Variants in SPRY3 observed in about 807,000 individuals in gnomAD.
SPRY3 encodes sprouty RTK signaling antagonist 3.
A neutral mutation model predicts 20.2 loss-of-function variants in SPRY3; 15 were observed. The observed-to-expected ratio is 0.74, with a 90% CI of 0.50 to 1.14. The LOEUF (loss-of-function observed/expected upper bound fraction) is 1.14. Among genes scored for constraint, SPRY3 ranks in the 50% most tolerant of loss-of-function variants. The probability of loss-of-function intolerance (pLI) is 0.00; values close to 1 mark genes in which losing one functional copy is unlikely to be tolerated. For missense variants in SPRY3, 364 were observed against 363.9 expected (o/e 1.00, Z 0.00); for synonymous variants, 143 against 136.5 (o/e 1.05, Z -0.33).
chrX:155,696,256 C>CAGAG (rs1217974455), intron 2 of SPRY3, among the ~76,000 whole-genome samples: 4 of 103,427 alleles, frequency 3.9e-5, no homozygotes, highest in East Asian at 6.1e-4. Flanking sequence ...CATATATATA[C>CAGAG]AGAGAGAGAG....
At chrX:155,680,401 G>T (rs927451797) in intron 2 of SPRY3, among the ~76,000 whole-genome samples, 4 of 109,367 alleles carry the variant, frequency 3.7e-5, no homozygotes, top group Admixed American at 2.0e-4. Context: ...TGGGCATGGG[G>T]AATAAGTCAT....
chrX:155,771,965 A>G (rs2091384290), intron 3 of SPRY3, among the ~76,000 whole-genome samples: 1 of 152,182 alleles, frequency 6.6e-6, no homozygotes, highest in Non-Finnish European at 1.5e-5. Context: ...GTCCTTCAAG[A>G]TCACCTTGTT....
At chrX:155,763,454 A>G (rs1490313634) in intron 2 of SPRY3, among the ~76,000 whole-genome samples, 1 of 151,394 alleles carries the variant, frequency 6.6e-6, no homozygotes, top group Non-Finnish European at 1.5e-5. Context: ...GTATCTCCCC[A>G]CTCCTATATA....
intron 2 of SPRY3, among the ~76,000 whole-genome samples, chrX:155,716,680 G>A (rs1192642770): frequency 6.6e-6 from 1 of 151,758 alleles, no homozygotes; most frequent in African/African-American, 2.4e-5. Flanking sequence ...ACCCACTGAT[G>A]TCTCTGTTCA....
At chrX:155,727,377 G>A (rs1444121111) in intron 2 of SPRY3, among the ~76,000 whole-genome samples, 6 of 152,076 alleles carry the variant, frequency 3.9e-5, no homozygotes, top group Non-Finnish European at 5.9e-5. Context: ...AAGTTCTCCT[G>A]GATGATATCC....
chrX:155,682,039 AG>A (rs1225902208), intron 2 of SPRY3, among the ~76,000 whole-genome samples: 1 of 112,911 alleles, frequency 8.9e-6, no homozygotes, highest in African/African-American at 3.2e-5. Flanking sequence ...TATGCCATCT[AG>A]AACTTTCATA....
Position 155,764,546 on chromosome X carries a change from A to G in SPRY3, c.-281-3416A>G, listed in dbSNP as rs1290921269. On this transcript the variant is annotated intron_variant, in intron 2 of 3. Coordinates refer to ENST00000675360, the Ensembl canonical transcript of SPRY3. ...CAAAAATTGGTTATCCATTCATTCA[A>G]TAAGTATTAATTTAGTGATCAGTAT... Among the ~76,000 whole-genome samples, 3 of 152,298 alleles carry G rather than the reference A, an allele frequency of 2.0e-5. No individual in the cohort carries two copies. The East Asian group carries it at 5.8e-4, about 29-fold the overall frequency.
chrX:155,681,381 G>T (rs1485390294), intron 2 of SPRY3, among the ~76,000 whole-genome samples: 2 of 112,173 alleles, frequency 1.8e-5, no homozygotes, highest in African/African-American at 3.2e-5. Context: ...ACGTGGAACT[G>T]TAAGTCCAAT....
rs1352713033 is a variant in SPRY3 at position 155,767,463 on chromosome X, C to A, written c.-281-499C>A. Among the ~76,000 whole-genome samples the A allele has an allele frequency of 5.9e-5, 9 of 152,000 alleles. 1 individual carries two copies. In the South Asian group the frequency reaches 1.0e-3, roughly 18 times the overall value. On this transcript the variant is annotated intron_variant, in intron 2 of 3. Coordinates refer to ENST00000675360, the Ensembl canonical transcript of SPRY3. ...GGTATCTATTGCTCCGTTGAGATAC[C>A]CTGTGTCTACAACTGCAGTTTCTGC...
At chrX:155,644,854 A>C (rs917526717) in intron 1 of SPRY3, among the ~76,000 whole-genome samples, 8 of 111,119 alleles carry the variant, frequency 7.2e-5, no homozygotes, top group Non-Finnish European at 1.3e-4. Flanking sequence ...ACTGATACCT[A>C]AGGTGCAAGA....
chrX:155,631,922 A>G (rs1557350553), intron 1 of SPRY3, among the ~76,000 whole-genome samples: 1 of 111,521 alleles, frequency 9.0e-6, no homozygotes, highest in African/African-American at 3.3e-5. Flanking sequence ...TGTGTTATAA[A>G]CAATACAACT....
intron 1 of SPRY3, among the ~76,000 whole-genome samples, chrX:155,623,511 G>T (rs931943274): frequency 2.7e-5 from 3 of 111,845 alleles, no homozygotes; most frequent in Admixed American, 1.9e-4. Context: ...TTTTGATTTA[G>T]TTAAGCTCTC....
intron 2 of SPRY3, among the ~76,000 whole-genome samples, chrX:155,751,642 A>C (rs1315692468): frequency 6.6e-6 from 1 of 151,846 alleles, no homozygotes; most frequent in Non-Finnish European, 1.5e-5. Context: ...AAGGCTATAC[A>C]TGATATGTTG....
chrX:155,767,728 G>GAGT (rs1231061191), intron 2 of SPRY3: 793 of 65,748 alleles, frequency 0.012, 7 homozygotes, highest in South Asian at 0.036. Context: ...GAAAGAGGAG[G>GAGT]AGGAGGAGAG....
At chrX:155,772,131 T>C (rs891030110) in intron 3 of SPRY3, among the ~76,000 whole-genome samples, 18 of 152,166 alleles carry the variant, frequency 1.2e-4, no homozygotes, top group African/African-American at 4.3e-4. Flanking sequence ...CCAAAACAAC[T>C]AGTTAAAAAG....
exon 4 of SPRY3, chrX:155,776,771 TC>T (rs2091429421): frequency 6.0e-6 from 1 of 167,082 alleles, no homozygotes; most frequent in South Asian, 2.1e-4. Context: ...GACCTCCATG[TC>T]CCTTTGTTGG....
At chrX:155,725,727 T>C (rs1325421852) in intron 2 of SPRY3, among the ~76,000 whole-genome samples, 1 of 152,148 alleles carries the variant, frequency 6.6e-6, no homozygotes, top group Non-Finnish European at 1.5e-5. Context: ...TTATTAGTCT[T>C]GCTAGCGGTC....
chrX:155,624,931 T>C (rs988518731), intron 1 of SPRY3, among the ~76,000 whole-genome samples: 1 of 111,552 alleles, frequency 9.0e-6, no homozygotes. Flanking sequence ...TACATTCTAG[T>C]ACAAACGTAA....
chrX:155,635,603 G>A (rs966252632), intron 1 of SPRY3, among the ~76,000 whole-genome samples: 23 of 111,735 alleles, frequency 2.1e-4, no homozygotes, highest in African/African-American at 4.6e-4. Context: ...GCCAACAAAC[G>A]TATGAAAAAA....
Sources: gnomAD v4.1 joint callset for allele counts (sites outside exome capture counted in the v4.1 genomes callset) on GRCh38, gnomAD v4.1.1 for gene constraint, MANE v1.5 for transcripts, NCBI Gene and HGNC (gene_info 2026-07-23, HGNC 2026-07-21) for gene names.